FGGY: variants seen among roughly 807,000 people sequenced by gnomAD.
FGGY encodes the protein FGGY carbohydrate kinase domain-containing protein.
A neutral mutation model predicts 71.3 loss-of-function variants in FGGY; 72 were observed. The observed-to-expected ratio is 1.01, with a 90% CI of 0.84 to 1.23. The LOEUF (loss-of-function observed/expected upper bound fraction) is 1.23, where lower values mean the gene tolerates loss of function less well. Ranked by LOEUF, FGGY falls within the 50% of genes most tolerant of loss-of-function variation. The pLI is 0.00. For missense variants in FGGY, 668 were observed against 682.3 expected, an observed-to-expected ratio of 0.98 and a Z score of 0.23; for synonymous variants, 251 against 250.3, an observed-to-expected ratio of 1.00 and a Z score of -0.02.
At chr1:59,400,826 C>T (rs1356203195) in intron 5 of FGGY, among the ~76,000 whole-genome samples, 4 of 151,960 alleles carry the variant, frequency 2.6e-5, no homozygotes, top group Non-Finnish European at 1.5e-5. Context: ...GGCTCAAGTG[C>T]AGTGGCGTGA....
At chr1:59,426,560 C>G (rs1047796405) in intron 5 of FGGY, among the ~76,000 whole-genome samples, 2 of 152,162 alleles carry the variant, frequency 1.3e-5, no homozygotes, top group Non-Finnish European at 2.9e-5. Flanking sequence ...ACATTCTTAT[C>G]CAGCCTGGTC....
intron 11 of FGGY, among the ~76,000 whole-genome samples, chr1:59,653,158 C>CTTAATGTCTTAAA (rs1553373213): frequency 2.6e-5 from 4 of 152,224 alleles, no homozygotes; most frequent in African/African-American, 9.6e-5. Flanking sequence ...CTCTTCAAAG[C>CTTAATGTCTTAAA]TGTCAGACAG....
chr1:59,409,280 A>G (rs1025238553), intron 5 of FGGY, among the ~76,000 whole-genome samples: 1 of 152,198 alleles, frequency 6.6e-6, no homozygotes, highest in African/African-American at 2.4e-5. Flanking sequence ...TTTAGAAAGC[A>G]TAAGGACACT....
chr1:59,762,507 TATG>T lies in FGGY; in HGVS notation c.1582_1584del (p.Asp528del). On this transcript the variant is annotated inframe_deletion, in exon 16 of 16. Coordinates refer to ENST00000303721, the MANE Select transcript of FGGY (RefSeq NM_018291.5). Reference sequence around the variant, plus strand: ...ATATTTATATTTCTCCCACAGATACTATGATAAGAAATACCAAGTATTCCTGAA... The same window carrying T: ...ATATTTATATTTCTCCCACAGATACTATAAGAAATACCAAGTATTCCTGAA... 6.2e-7 allele frequency: 1 copy of T among 1,611,800 alleles called. No individual in the cohort carries two copies. Among genetic ancestry groups the T allele is most frequent in the Non-Finnish European group, 8.5e-7 (1 of 1,178,270 alleles).
chr1:59,539,854 AG>A (rs1313149268), intron 7 of FGGY, among the ~76,000 whole-genome samples: 1 of 152,246 alleles, frequency 6.6e-6, no homozygotes. Context: ...ATATAACAAA[AG>A]ATGTGTATCC....
chr1:59,521,290 G>A (rs1335062302), intron 7 of FGGY, among the ~76,000 whole-genome samples: 1 of 152,088 alleles, frequency 6.6e-6, no homozygotes, highest in Non-Finnish European at 1.5e-5. Context: ...ATGGAGGGAG[G>A]GGCAGAGAGC....
chr1:59,420,328 G>T, intron 5 of FGGY, among the ~76,000 whole-genome samples: 1 of 152,204 alleles, frequency 6.6e-6, no homozygotes, highest in East Asian at 1.9e-4. Context: ...ACAGATAGAG[G>T]TGATAACATT....
chr1:59,319,904 G>A (rs1482965804), intron 1 of FGGY, among the ~76,000 whole-genome samples: 1 of 152,174 alleles, frequency 6.6e-6, no homozygotes, highest in East Asian at 1.9e-4. Context: ...GGGCAAGGGC[G>A]ATCTTTGCTT....
intron 6 of FGGY, among the ~76,000 whole-genome samples, chr1:59,475,626 C>A (rs982829831): frequency 2.0e-5 from 3 of 152,226 alleles, no homozygotes; most frequent in Non-Finnish European, 4.4e-5. Flanking sequence ...ACCTAGAAGT[C>A]ATTCTTAATG....
At chr1:59,725,390 T>A (rs1011076035) in intron 14 of FGGY, among the ~76,000 whole-genome samples, 1 of 152,230 alleles carries the variant, frequency 6.6e-6, no homozygotes, top group African/African-American at 2.4e-5. Flanking sequence ...CAGTAAGTCA[T>A]GAAGTTGGGT....
intron 1 of FGGY, among the ~76,000 whole-genome samples, chr1:59,302,186 A>T (rs1156345105): frequency 6.6e-6 from 1 of 151,794 alleles, no homozygotes; most frequent in African/African-American, 2.4e-5. Context: ...TATTAGCTGA[A>T]GTTTGAAGAA....
At chr1:59,662,268 T>G (rs2097282612) in intron 12 of FGGY, among the ~76,000 whole-genome samples, 1 of 146,488 alleles carries the variant, frequency 6.8e-6, no homozygotes, top group Non-Finnish European at 1.5e-5. Context: ...TGCAGTGAAC[T>G]GAGATCGCGC....
Position 59,579,187 on chromosome 1 carries a change from C to T in FGGY, c.903+24960C>T, listed in dbSNP as rs1296918038. ...AGCTGCGCCCTCCCTTCTCAAAACC[C>T]CTCACTTGCATGTAGTTGACTCTTT... On this transcript the variant is annotated intron_variant, in intron 8 of 15. Transcript: ENST00000303721. Among the ~76,000 whole-genome samples the T allele has an allele frequency of 5.9e-5, 9 of 152,232 alleles. No individual in the cohort carries two copies. In the South Asian group the frequency reaches 8.3e-4, roughly 14 times the overall value.
chr1:59,709,547 A>G (rs1312681451), intron 14 of FGGY, among the ~76,000 whole-genome samples: 6 of 152,090 alleles, frequency 3.9e-5, no homozygotes, highest in African/African-American at 1.4e-4. Context: ...ACAGGTGGAC[A>G]ATTAGCCACC....
chr1:59,723,895 G>T (rs554109998), intron 14 of FGGY, among the ~76,000 whole-genome samples: 2 of 152,352 alleles, frequency 1.3e-5, no homozygotes, highest in South Asian at 2.1e-4. Context: ...GGGCATGGTA[G>T]TTCACACCTG....
At chr1:59,588,169 T>C (rs1347890791) in intron 8 of FGGY, among the ~76,000 whole-genome samples, 1 of 152,144 alleles carries the variant, frequency 6.6e-6, no homozygotes, top group Non-Finnish European at 1.5e-5. Context: ...GGAGCCGATG[T>C]GATCAACTGG....
chr1:59,726,760 G>T (rs2097952753), intron 14 of FGGY, among the ~76,000 whole-genome samples: 1 of 151,988 alleles, frequency 6.6e-6, no homozygotes, highest in Non-Finnish European at 1.5e-5. Flanking sequence ...CTGGCTAAAG[G>T]TTTGTCAGTT....
chr1:59,652,737 CCTT>C (rs1205840297), intron 11 of FGGY, among the ~76,000 whole-genome samples: 3 of 151,066 alleles, frequency 2.0e-5, no homozygotes, highest in Admixed American at 6.6e-5. Flanking sequence ...TCATCTGAAG[CCTT>C]CTTCTCTCAG....
chr1:59,722,308 A>T (rs1194113169), intron 14 of FGGY, among the ~76,000 whole-genome samples: 1 of 152,160 alleles, frequency 6.6e-6, no homozygotes, highest in Non-Finnish European at 1.5e-5. Flanking sequence ...TGGTCACCTA[A>T]GGTAGTGTTT....
Sources: gnomAD v4.1 joint callset for allele counts (sites outside exome capture counted in the v4.1 genomes callset) on GRCh38, gnomAD v4.1.1 for gene constraint, MANE v1.5 for transcripts, NCBI Gene and HGNC (gene_info 2026-07-23, HGNC 2026-07-21) for gene names.